Variants in KLF17 observed in about 807,000 individuals in gnomAD.
KLF17 encodes the protein KLF transcription factor 17, also known as Krueppel-like factor 17.
Under a neutral mutation model 34.2 loss-of-function variants are expected in KLF17, and 31 were observed. The observed-to-expected ratio is 0.91, with a 90% CI of 0.68 to 1.22. The LOEUF is 1.22. Among genes scored for constraint, KLF17 ranks in the 50% most tolerant of loss-of-function variants. KLF17 has a pLI of 0.00. For synonymous variants in KLF17, 179 were observed against 186.7 expected, an observed-to-expected ratio of 0.96 and a Z score of 0.34; for missense variants, 478 against 505.2, an observed-to-expected ratio of 0.95 and a Z score of 0.52.
chr1:44,095,211 T>G, the KLF17 span, among the ~76,000 whole-genome samples: 740 of 44,486 alleles, frequency 0.017, 6 homozygotes, highest in African/African-American at 0.051. Context: ...TATTTATATC[T>G]TTTTTTTTTT....
upstream of KLF17, among the ~76,000 whole-genome samples, chr1:44,117,733 G>A (rs1473792078): frequency 4.6e-5 from 7 of 151,710 alleles, no homozygotes; most frequent in Non-Finnish European, 8.8e-5. Context: ...GACCTCAAGT[G>A]ATCTGCCCGC....
At chr1:44,075,690 G>A in the KLF17 span, among the ~76,000 whole-genome samples, 1 of 152,120 alleles carries the variant, frequency 6.6e-6, no homozygotes, top group Non-Finnish European at 1.5e-5. Context: ...AGCTCCTTCA[G>A]ACTGACATCT....
chr1:44,128,915 G>A (rs574973340), intron 1 of KLF17, among the ~76,000 whole-genome samples: 1 of 152,188 alleles, frequency 6.6e-6, no homozygotes, highest in African/African-American at 2.4e-5. Flanking sequence ...AGGAGGCTGA[G>A]GCAGGAGAAT....
chr1:44,099,935 G>A, the KLF17 span, among the ~76,000 whole-genome samples: 2 of 121,278 alleles, frequency 1.6e-5, no homozygotes, highest in African/African-American at 5.8e-5. Flanking sequence ...AGGGAGGGAG[G>A]GAGGGAGACA....
At chr1:44,123,282 G>A (rs1273282523) in intron 1 of KLF17, among the ~76,000 whole-genome samples, 2 of 152,016 alleles carry the variant, frequency 1.3e-5, no homozygotes, top group East Asian at 3.9e-4. Flanking sequence ...GGCTGGTCTC[G>A]AACTCCTGGC....
rs780776878 is a variant in KLF17, at chr1:44,133,263, A to G, written c.*26A>G. 23 of 152,416 alleles carry G rather than the reference A, an allele frequency of 1.5e-4. No individual in the cohort carries two copies. The highest frequency in any genetic ancestry group is 2.9e-4 in the Non-Finnish European group (20 of 68,094). 9.4% of individuals were successfully genotyped at this position (152,416 alleles called of 1,614,324 possible). ...GTGAATGAAGAAGGAAGAGGATTCC[A>G]GGCTGAGAGCACTGGACGTGGCAAC... On this transcript the variant is annotated 3_prime_UTR_variant, in exon 4 of 4. Transcript: ENST00000372299.
chr1:44,129,376 C>T lies in KLF17; in HGVS notation c.105C>T (p.Ile35=). ...AGGATAACGAGAACTCAGCGCCCAT[C>T]TTGAACATGTCTTCATCTTCTGGAA... ...AAQDNENSAP[I]LNMSSSSGSS... The change falls in exon 2 of 4, where the codon ATC becomes ATT. Residue 35 remains isoleucine, a synonymous_variant. Coordinates refer to ENST00000372299, the MANE Select transcript of KLF17 (RefSeq NM_173484.4). 1.3e-6 allele frequency: 2 copies of T among 1,518,586 alleles called. No individual in the cohort carries two copies. The highest frequency in any genetic ancestry group is 1.8e-6 in the Non-Finnish European group (2 of 1,133,872). The allele number at this position is 1,518,586 out of a possible 1,614,324, so 94.1% of individuals were successfully genotyped here.
chr1:44,122,421 C>A (rs1410887310), intron 1 of KLF17: 1 of 1,486,898 alleles, frequency 6.7e-7, no homozygotes, highest in Non-Finnish European at 9.4e-7. Flanking sequence ...GACATCCACA[C>A]CTGTGACTGT....
the KLF17 span, chr1:44,046,031 T>A: frequency 3.9e-5 from 6 of 152,078 alleles, no homozygotes; most frequent in Admixed American, 3.9e-4. Flanking sequence ...TTAATATTTC[T>A]TAATATTCTA....
the KLF17 span, among the ~76,000 whole-genome samples, chr1:44,073,955 C>T: frequency 6.6e-6 from 1 of 152,060 alleles, no homozygotes; most frequent in Non-Finnish European, 1.5e-5. Flanking sequence ...GAGACTTAGT[C>T]TTATTTGCCA....
chr1:44,072,904 G>T, the KLF17 span, among the ~76,000 whole-genome samples: 4 of 152,068 alleles, frequency 2.6e-5, no homozygotes, highest in South Asian at 8.3e-4. Context: ...GAAGCCTAGA[G>T]AAATAGGTGT....
chr1:44,047,791 A>C, the KLF17 span, among the ~76,000 whole-genome samples: 1 of 152,174 alleles, frequency 6.6e-6, no homozygotes, highest in Non-Finnish European at 1.5e-5. Context: ...TTAGATAGGG[A>C]AGAGGAAGAA....
chr1:44,048,210 C>A, the KLF17 span: 1 of 152,198 alleles, frequency 6.6e-6, no homozygotes, highest in Admixed American at 6.5e-5. Context: ...CTTTCCGATT[C>A]TTTTGGAGTA....
the KLF17 span, among the ~76,000 whole-genome samples, chr1:44,074,273 C>G: frequency 6.6e-6 from 1 of 151,958 alleles, no homozygotes; most frequent in South Asian, 2.1e-4. Flanking sequence ...ATCTCCTCCT[C>G]CCCTCCCCTA....
intron 1 of KLF17, among the ~76,000 whole-genome samples, chr1:44,127,635 TTTCCTTCTTTCTTTC>T (rs1161261217): frequency 3.4e-5 from 1 of 29,754 alleles, no homozygotes; most frequent in Non-Finnish European, 7.9e-5. Flanking sequence ...TTTTCTTTTC[TTTCCTTCTTTCTTTC>T]TTTCTTTCTT....
intron 1 of KLF17, among the ~76,000 whole-genome samples, chr1:44,120,042 T>C (rs904485892): frequency 6.6e-6 from 1 of 152,202 alleles, no homozygotes; most frequent in Non-Finnish European, 1.5e-5. Flanking sequence ...ACCACAATCA[T>C]TGGTCCCCGG....
At chr1:44,094,086 A>G in the KLF17 span, among the ~76,000 whole-genome samples, 3 of 152,336 alleles carry the variant, frequency 2.0e-5, no homozygotes, top group South Asian at 6.2e-4. Flanking sequence ...GTGACTTTTC[A>G]TATACCACGA....
chr1:44,126,632 T>G lies in KLF17; in HGVS notation c.82-2721T>G, dbSNP rs372472329. ...TTCCTGTCTCCTTTTGACCCAGTCC[T>G]AATCTTTGAAAGCTCCCTTATTTTC... On this transcript the variant is annotated intron_variant, in intron 1 of 3. Transcript: ENST00000372299. 1.1e-4 allele frequency among the ~76,000 whole-genome samples: 16 copies of G among 152,288 alleles called. 2 individuals are homozygous for G. Among genetic ancestry groups the G allele is most frequent in the African/African-American group, 3.8e-4 (16 of 41,562 alleles).
the KLF17 span, among the ~76,000 whole-genome samples, chr1:44,095,945 T>G: frequency 6.6e-6 from 1 of 152,114 alleles, no homozygotes; most frequent in South Asian, 2.1e-4. Flanking sequence ...TTTGTTTGTT[T>G]TGTTTTGTTT....
Sources: allele counts gnomAD v4.1 joint callset (sites outside exome capture counted in the v4.1 genomes callset), GRCh38; gene constraint gnomAD v4.1.1; transcripts MANE v1.5; gene names NCBI Gene and HGNC (gene_info 2026-07-23, HGNC 2026-07-21).